P3H2: variants seen among roughly 807,000 people sequenced by gnomAD.
P3H2 encodes leprecan-like 1.
Under a neutral mutation model 87.0 loss-of-function variants are expected in P3H2, and 80 were observed. The ratio of observed to expected loss-of-function variants is 0.92; its 90% CI spans 0.77 to 1.11. The LOEUF (loss-of-function observed/expected upper bound fraction) is 1.11. Among genes scored for constraint, P3H2 ranks in the 50% least tolerant of loss-of-function variants. P3H2 has a pLI of 0.00. For missense variants in P3H2, 1,001 were observed against 923.9 expected (o/e 1.08, Z -1.08); for synonymous variants, 367 against 359.3 (o/e 1.02, Z -0.24).
chr3:190,113,629 A>G (rs183359365), intron 1 of P3H2, among the ~76,000 whole-genome samples: 34 of 152,228 alleles, frequency 2.2e-4, no homozygotes, highest in Non-Finnish European at 3.8e-4. Flanking sequence ...AGTCTCGCCT[A>G]TGAGGAAGTT....
intron 1 of P3H2, among the ~76,000 whole-genome samples, chr3:190,104,813 C>A (rs1711768491): frequency 6.6e-6 from 1 of 152,176 alleles, no homozygotes; most frequent in Non-Finnish European, 1.5e-5. Flanking sequence ...AATCAGAGGA[C>A]TGATGCCAAT....
intron 1 of P3H2, among the ~76,000 whole-genome samples, chr3:190,043,149 C>CTGTG (rs3062150): frequency 0.62 from 93,790 of 150,820 alleles, 29,744 homozygotes; most frequent in Admixed American, 0.72. Flanking sequence ...ATAGAAGCGT[C>CTGTG]TGTGTGTGTG....
At position 189,995,398 on chromosome 3, in the gene P3H2, G is replaced by A. The variant is rs567532723; in HGVS notation, c.525C>T (p.Phe175=). The A allele has an allele frequency of 1.3e-5, 21 of 1,613,776 alleles. No individual in the cohort carries two copies. Among genetic ancestry groups the A allele is most frequent in the South Asian group, 8.8e-5 (8 of 91,072 alleles). The change falls in exon 2 of 15, where the codon TTC becomes TTT. Residue 175 remains phenylalanine (F), a synonymous_variant. Transcript: ENST00000319332. The part of the protein sequence containing the change: ...EKAVEAAHTF[F]VANPEHMEMQ... ...TTTCCATGTGCTCAGGGTTAGCCAC[G>A]AAAAATGTGTGAGCTGCTTCCACTG...
chr3:190,118,913 T>C (rs1350757770), intron 1 of P3H2, among the ~76,000 whole-genome samples: 1 of 150,974 alleles, frequency 6.6e-6, no homozygotes, highest in African/African-American at 2.4e-5. Flanking sequence ...GCCAACATGG[T>C]GAAACCCCTT....
rs1304508760 is a variant in P3H2, at chr3:190,120,661, C to T, written c.71G>A (p.Gly24Asp). The change falls in exon 1 of 15, where the codon GGC becomes GAC. Residue 24 changes from glycine (G) to aspartate (D), a missense_variant. Coordinates refer to ENST00000319332, the MANE Select transcript of P3H2 (RefSeq NM_018192.4). ...LPLLLPPPLW[G>D]GPPDSPRREL... ...CCGGCGTGGGCTGTCCGGGGGGCCG[C>T]CCCACAGTGGCGGCGGCAGTAGCAG... The T allele has an allele frequency of 2.6e-6, 4 of 1,524,414 alleles. No individual in the cohort carries two copies. The highest frequency in any genetic ancestry group is 3.5e-6 in the Non-Finnish European group (4 of 1,142,910). 94.4% of individuals were successfully genotyped at this position (1,524,414 alleles called of 1,614,324 possible).
chr3:190,063,325 C>G (rs1726391677), intron 1 of P3H2, among the ~76,000 whole-genome samples: 1 of 152,150 alleles, frequency 6.6e-6, no homozygotes, highest in African/African-American at 2.4e-5. Context: ...AGCACAGCAT[C>G]CTACTTGTCA....
rs137859647 is a variant in P3H2 at position 190,076,181 on chromosome 3, G to GCA, written c.480+44069_480+44070dup. ...AAAAAAAAAACCACCAAACACACAT[G>GCA]CACACACACACACACATACACACAC... On this transcript the variant is annotated intron_variant, in intron 1 of 14. Transcript: ENST00000319332. Among the ~76,000 whole-genome samples, 426 of 148,476 alleles carry GCA rather than the reference G, an allele frequency of 2.9e-3. 6 individuals carry two copies. The highest frequency in any genetic ancestry group is 2.5e-3 in the Non-Finnish European group (170 of 67,032).
At chr3:190,114,748 G>C (rs1712225066) in intron 1 of P3H2, among the ~76,000 whole-genome samples, 1 of 152,086 alleles carries the variant, frequency 6.6e-6, no homozygotes, top group South Asian at 2.1e-4. Context: ...TTAAAGAGAG[G>C]GGGGAAAAGC....
At chr3:190,108,871 A>G (rs1456521657) in intron 1 of P3H2, among the ~76,000 whole-genome samples, 1 of 152,158 alleles carries the variant, frequency 6.6e-6, no homozygotes, top group Admixed American at 6.5e-5. Flanking sequence ...GAGGGGAATT[A>G]TGTCATTTGG....
intron 1 of P3H2, among the ~76,000 whole-genome samples, chr3:190,072,101 T>C (rs773378859): frequency 4.0e-5 from 6 of 151,214 alleles, no homozygotes; most frequent in African/African-American, 1.2e-4. Flanking sequence ...GCTTTCTGCA[T>C]AGCTGGGATT....
chr3:190,073,414 A>C (rs1444363845), intron 1 of P3H2, among the ~76,000 whole-genome samples: 1 of 152,192 alleles, frequency 6.6e-6, no homozygotes, highest in Non-Finnish European at 1.5e-5. Context: ...CTCTTCCTCA[A>C]AATGAGCCAT....
intron 1 of P3H2, among the ~76,000 whole-genome samples, chr3:190,003,643 C>T (rs1282817936): frequency 6.6e-6 from 1 of 152,162 alleles, no homozygotes; most frequent in African/African-American, 2.4e-5. Context: ...AGAAGGAGAG[C>T]ACATTATCTT....
At chr3:190,006,206 T>A (rs948921535) in intron 1 of P3H2, among the ~76,000 whole-genome samples, 1 of 152,218 alleles carries the variant, frequency 6.6e-6, no homozygotes, top group Non-Finnish European at 1.5e-5. Flanking sequence ...GCACTTGCAT[T>A]GATCTTATAA....
rs114192739 is a variant in P3H2 at position 190,082,053 on chromosome 3, C to T, written c.480+38199G>A. The stretch of plus-strand genomic sequence containing the variant: ...CAGATCACTTGAGATCAGGAGTTTT[C>T]GTGACCAGTCTGGCTAACAGGGTGA... On this transcript the variant is annotated intron_variant, in intron 1 of 14. Coordinates refer to ENST00000319332, the MANE Select transcript of P3H2 (RefSeq NM_018192.4). Among the ~76,000 whole-genome samples, 841 of 152,164 alleles carry T rather than the reference C, an allele frequency of 5.5e-3. 8 individuals are homozygous for T. Among genetic ancestry groups the T allele is most frequent in the African/African-American group, 0.019 (786 of 41,504 alleles).
chr3:189,989,618 C>A (rs1723817417), intron 3 of P3H2, among the ~76,000 whole-genome samples: 1 of 152,060 alleles, frequency 6.6e-6, no homozygotes, highest in African/African-American at 2.4e-5. Context: ...GGTCAGAAAC[C>A]TATTCTATCC....
At chr3:190,024,945 C>T (rs1320031863) in intron 1 of P3H2, among the ~76,000 whole-genome samples, 1 of 151,940 alleles carries the variant, frequency 6.6e-6, no homozygotes, top group African/African-American at 2.4e-5. Flanking sequence ...TCCTTGATAC[C>T]CAGAGGAAAA....
At chr3:189,977,283 C>T (rs1723379743) in intron 8 of P3H2, among the ~76,000 whole-genome samples, 1 of 152,180 alleles carries the variant, frequency 6.6e-6, no homozygotes, top group Non-Finnish European at 1.5e-5. Context: ...CTCTTGCCTT[C>T]TCAGTCTCTT....
chr3:189,979,268 CA>C (rs3836443), intron 8 of P3H2, among the ~76,000 whole-genome samples: 1 of 149,456 alleles, frequency 6.7e-6, no homozygotes, highest in Non-Finnish European at 1.5e-5. Flanking sequence ...TACTAAAACA[CA>C]AAAAAAAAAT....
At chr3:189,986,658 T>G (rs999220642) in intron 6 of P3H2, 130 bp downstream of exon 6, 33 of 712,916 alleles carry the variant, frequency 4.6e-5, no homozygotes, top group Non-Finnish European at 7.4e-5. Context: ...CACCCCCAAT[T>G]TTTACCTCAA....
Sources: gnomAD v4.1 joint callset for allele counts (sites outside exome capture counted in the v4.1 genomes callset) on GRCh38, gnomAD v4.1.1 for gene constraint, MANE v1.5 for transcripts, NCBI Gene and HGNC (gene_info 2026-07-23, HGNC 2026-07-21) for gene names.